NHP2: variants seen among roughly 807,000 people sequenced by gnomAD.
The protein encoded by NHP2 is NHP2 ribonucleoprotein, also known as H/ACA ribonucleoprotein complex subunit 2.
NHP2 carries 10 observed loss-of-function variants against 16.7 expected under a neutral mutation model. That is an observed-to-expected ratio of 0.60 (90% CI 0.37 to 1.01). NHP2 has a LOEUF of 1.01. Ranked by LOEUF, NHP2 falls within the 50% of genes least tolerant of loss-of-function variation. The pLI is 0.01. For synonymous variants in NHP2, 87 were observed against 78.9 expected (o/e 1.10, Z -0.54); for missense variants, 184 against 198.3 (o/e 0.93, Z 0.43).
At chr5:178,152,606 T>C (rs754782855) in intron 2 of NHP2, among the ~76,000 whole-genome samples, 4 of 152,144 alleles carry the variant, frequency 2.6e-5, no homozygotes, top group Admixed American at 2.0e-4. Context: ...GGAAGAAAAA[T>C]GTAAACAAGG....
At chr5:178,153,446 G>T (rs1243651475) in intron 2 of NHP2, 45 bp downstream of exon 2, 1 of 1,594,216 alleles carries the variant, frequency 6.3e-7, no homozygotes, top group Non-Finnish European at 8.6e-7. Context: ...AGATTTCTCC[G>T]TTAACGTTTA....
chr5:178,149,695 A>G lies in NHP2; in HGVS notation c.*18T>C. On this transcript the variant is annotated 3_prime_UTR_variant, in exon 4 of 4. Coordinates refer to ENST00000274606, the MANE Select transcript of NHP2 (RefSeq NM_017838.4). ...CAATAGCTTCCAGCGGCAGGTGCCC[A>G]GGTGCTACCGGAGCCCCTCATAGGG... is the stretch of plus-strand genomic sequence containing the variant. The G allele has an allele frequency of 6.2e-7, 1 of 1,612,138 alleles. No homozygotes were observed. The highest frequency in any genetic ancestry group is 2.2e-5 in the East Asian group (1 of 44,854).
At chr5:178,150,554 A>C in intron 3 of NHP2, 1 of 408,078 alleles carries the variant, frequency 2.5e-6, no homozygotes, top group Non-Finnish European at 4.7e-6. Context: ...TAATTAAAAA[A>C]ATTTTTTTTG....
chr5:178,150,967 AGT>A lies in NHP2; in HGVS notation c.255_256del (p.Leu86AlafsTer3), dbSNP rs1471775580. On this transcript the variant is annotated frameshift_variant, in exon 3 of 4. Transcript: ENST00000274606. LOFTEE classifies it high-confidence loss of function. Reference sequence around the variant, plus strand: ...GAGATGGCAGTATACCTCAATGGGCAGTGTGTCTCCTGCCAAAACCATGATCC... The same window carrying A: ...GAGATGGCAGTATACCTCAATGGGCAGTGTCTCCTGCCAAAACCATGATCC... 5.0e-6 allele frequency: 8 copies of A among 1,613,734 alleles called. No homozygotes were observed. Among genetic ancestry groups the A allele is most frequent in the Non-Finnish European group, 6.8e-6 (8 of 1,179,946 alleles).
intron 3 of NHP2, chr5:178,150,410 ACT>A (rs1389958288): frequency 2.6e-5 from 7 of 266,706 alleles, no homozygotes; most frequent in African/African-American, 9.0e-5. Context: ...ACAGGGCCTC[ACT>A]CTGTCATGCA....
At chr5:178,149,881 A>G in intron 3 of NHP2, 43 bp from the exon 4 acceptor site, 1 of 1,607,486 alleles carries the variant, frequency 6.2e-7, no homozygotes, top group African/African-American at 1.3e-5. Flanking sequence ...AAGCTGTACA[A>G]CCTGTATGCC....
rs554358239 is a variant in NHP2 at position 178,149,704 on chromosome 5, C to T, written c.*9G>A. On this transcript the variant is annotated 3_prime_UTR_variant, in exon 4 of 4. Coordinates refer to ENST00000274606, the MANE Select transcript of NHP2 (RefSeq NM_017838.4). ...CCAGCGGCAGGTGCCCAGGTGCTAC[C>T]GGAGCCCCTCATAGGGGTAGGGGCA... 33 of 1,613,146 alleles carry T rather than the reference C, an allele frequency of 2.0e-5. No individual in the cohort carries two copies. The highest frequency in any genetic ancestry group is 9.3e-5 in the African/African-American group (7 of 75,014).
chr5:178,153,283 C>T, intron 2 of NHP2: 1 of 650,738 alleles, frequency 1.5e-6, no homozygotes. Flanking sequence ...ACACAATTCG[C>T]TTCACTTTGG....
At position 178,149,611 on chromosome 5, in the gene NHP2, T is replaced by C; in HGVS notation, c.*102A>G. ...GGGAAGAAGGCGTGCCTTGGGGAAC[T>C]GGGAAGATGCCGTCAGTGTGGGTGG... On this transcript the variant is annotated 3_prime_UTR_variant, in exon 4 of 4. Transcript: ENST00000274606. 6.6e-7 allele frequency: 1 copy of C among 1,518,084 alleles called. No individual in the cohort carries two copies. The allele number at this position is 1,518,084 out of a possible 1,614,324, so 94.0% of individuals were successfully genotyped here.
chr5:178,153,191 G>A (rs1010245507), intron 2 of NHP2: 4 of 479,678 alleles, frequency 8.3e-6, no homozygotes, highest in Non-Finnish European at 1.1e-5. Context: ...GGGGGCCGGA[G>A]GTAATCTGAG....
At position 178,149,755 on chromosome 5, in the gene NHP2, A is replaced by G; in HGVS notation, c.420T>C (p.Asp140=). ...GGGACTGCACCTCCTCCAGGCACTC[A>G]TCGTAAGCCTCCTGGTACTCCTCAT... ...KPHEEYQEAY[D]ECLEEVQSLP... Residue 140 remains aspartate (D), a synonymous_variant, in exon 4 of 4, where the codon GAT becomes GAC. Transcript: ENST00000274606. 1 of 1,614,072 alleles carries G rather than the reference A, an allele frequency of 6.2e-7. No homozygotes were observed. Among genetic ancestry groups the G allele is most frequent in the East Asian group, 2.2e-5 (1 of 44,874 alleles).
chr5:178,153,609 A>G (rs1004416605), intron 1 of NHP2, 49 bp from the exon 2 acceptor site: 6 of 1,613,160 alleles, frequency 3.7e-6, no homozygotes, highest in South Asian at 2.2e-5. Flanking sequence ...CCACCCGCGC[A>G]CCCATCCCAC....
chr5:178,151,539 A>C (rs533624726), intron 2 of NHP2, among the ~76,000 whole-genome samples: 1 of 152,304 alleles, frequency 6.6e-6, no homozygotes, highest in South Asian at 2.1e-4. Context: ...CACAGAAGGA[A>C]AAGTCTGCTC....
Position 178,153,537 on chromosome 5 carries a change from G to A in NHP2, c.184C>T (p.Arg62Cys). The change falls in exon 2 of 4, where the codon CGC (arginine) becomes TGC (cysteine). Residue 62 changes from arginine to cysteine, a missense_variant. Physicochemically the swap from Arg to Cys is radical, Grantham distance 180. Coordinates refer to ENST00000274606, the MANE Select transcript of NHP2 (RefSeq NM_017838.4). ...AATTTCTGAACCTCTTTCACCCCGC[G>A]CCGAATCTGCTTCTGCTTCACCGCT... ...KKAVKQKQIR[R>C]GVKEVQKFVN... 1 of 1,614,182 alleles carries A rather than the reference G, an allele frequency of 6.2e-7. No individual in the cohort carries two copies. Among genetic ancestry groups the A allele is most frequent in the Non-Finnish European group, 8.5e-7 (1 of 1,180,028 alleles).
intron 3 of NHP2, chr5:178,150,468 A>ACTCCTGGGTTCAAGTGAT (rs1756247238): frequency 8.4e-6 from 3 of 355,496 alleles, no homozygotes; most frequent in Non-Finnish European, 1.7e-5. Flanking sequence ...GCAGCCTTGA[A>ACTCCTGGGTTCAAGTGAT]CTCCTGGGTT....
intron 2 of NHP2, 163 bp downstream of exon 2, chr5:178,153,328 T>G (rs1756320844): frequency 1.1e-5 from 8 of 730,684 alleles, no homozygotes; most frequent in Non-Finnish European, 2.0e-5. Context: ...GGTGTACCGG[T>G]ATTGTCGTAC....
chr5:178,152,803 G>T lies in NHP2; in HGVS notation c.230+688C>A, dbSNP rs150587472. ...AAAAAGAGTACATTCAATTGTTAAG[G>T]CTGCCAGGCGCGGTGGCTCATGCCT... On this transcript the variant is annotated intron_variant, in intron 2 of 3. Coordinates refer to ENST00000274606, the MANE Select transcript of NHP2 (RefSeq NM_017838.4). Among the ~76,000 whole-genome samples the T allele has an allele frequency of 1.7e-3, 259 of 152,272 alleles. 4 individuals carry two copies. Among genetic ancestry groups the T allele is most frequent in the African/African-American group, 5.9e-3 (246 of 41,554 alleles).
In NHP2 at chr5:178,150,993, C is replaced by A; in HGVS notation, c.231G>T (p.Gly77=). The A allele has an allele frequency of 6.2e-7, 1 of 1,611,644 alleles. No homozygotes were observed. Among genetic ancestry groups the A allele is most frequent in the African/African-American group, 1.3e-5 (1 of 74,952 alleles). Reference sequence around the variant, plus strand: ...GTGTGTCTCCTGCCAAAACCATGATCCTGAAATGAGAGAAAACACTGTCAT... The same window carrying A: ...GTGTGTCTCCTGCCAAAACCATGATACTGAAATGAGAGAAAACACTGTCAT... The part of the protein sequence containing the change: ...VQKFVNKGEK[G]IMVLAGDTLP... The change falls in exon 3 of 4, where the codon GGG becomes GGT. Residue 77 remains glycine (G), a splice_region_variant and synonymous_variant. Coordinates refer to ENST00000274606, the MANE Select transcript of NHP2 (RefSeq NM_017838.4).
chr5:178,151,613 A>G (rs1240800537), intron 2 of NHP2, among the ~76,000 whole-genome samples: 2 of 152,008 alleles, frequency 1.3e-5, no homozygotes, highest in Non-Finnish European at 2.9e-5. Context: ...ATGCTTCCGC[A>G]CTCCTAGTGC....
Sources: allele counts gnomAD v4.1 joint callset (sites outside exome capture counted in the v4.1 genomes callset), GRCh38; gene constraint gnomAD v4.1.1; transcripts MANE v1.5; gene names NCBI Gene and HGNC (gene_info 2026-07-23, HGNC 2026-07-21).